The following KAZN variants were observed in gnomAD, a reference collection of about 807,000 sequenced individuals.
The protein encoded by KAZN is kazrin.
In KAZN, 40 loss-of-function variants were observed where a neutral mutation model predicts 87.4. That is an observed-to-expected ratio of 0.46 (90% CI 0.36 to 0.60). The LOEUF is 0.60. Ranked by LOEUF, KAZN falls within the 20% of genes least tolerant of loss-of-function variation. The pLI, the probability that KAZN is intolerant of heterozygous loss-of-function variation, is 0.00. For missense variants in KAZN, 898 were observed against 1,073.9 expected (o/e 0.84, Z 2.29); for synonymous variants, 466 against 458.3 (o/e 1.02, Z -0.22).
chr1:14,479,336 C>T (rs1010842829), intron 2 of KAZN, among the ~76,000 whole-genome samples: 13 of 152,190 alleles, frequency 8.5e-5, no homozygotes, highest in African/African-American at 2.9e-4. Context: ...ATCTACAAAA[C>T]GCATATGCAG....
chr1:14,179,010 G>A (rs1294077336), intron 1 of KAZN, among the ~76,000 whole-genome samples: 2 of 152,134 alleles, frequency 1.3e-5, no homozygotes, highest in Admixed American at 1.3e-4. Context: ...TGGCTGGTGA[G>A]CATGTCAACA....
chr1:14,594,629 C>T (rs1676379655), upstream of KAZN, among the ~76,000 whole-genome samples: 1 of 152,160 alleles, frequency 6.6e-6, no homozygotes, highest in African/African-American at 2.4e-5. Context: ...ATTTGGGGAA[C>T]ACGCAAAAGG....
intron 1 of KAZN, among the ~76,000 whole-genome samples, chr1:14,873,381 A>T (rs1410116808): frequency 3.3e-5 from 5 of 152,234 alleles, no homozygotes; most frequent in South Asian, 4.1e-4. Context: ...AGGAAAATAA[A>T]GTGGGGAAGA....
At chr1:14,331,043 C>G (rs958502036) in intron 2 of KAZN, among the ~76,000 whole-genome samples, 10 of 152,130 alleles carry the variant, frequency 6.6e-5, no homozygotes, top group Non-Finnish European at 5.9e-5. Flanking sequence ...ACTACAATTC[C>G]CAGACTCCCT....
chr1:15,042,003 G>A (rs1672976670), intron 3 of KAZN, among the ~76,000 whole-genome samples: 1 of 152,264 alleles, frequency 6.6e-6, no homozygotes, highest in Non-Finnish European at 1.5e-5. Flanking sequence ...AGAACGTTCT[G>A]TGACAGTTGC....
At chr1:14,824,331 G>A (rs1040238097) in intron 1 of KAZN, among the ~76,000 whole-genome samples, 1 of 152,104 alleles carries the variant, frequency 6.6e-6, no homozygotes, top group Non-Finnish European at 1.5e-5. Context: ...GAGACCCTTG[G>A]GTTAGAACTT....
intron 1 of KAZN, among the ~76,000 whole-genome samples, chr1:14,691,841 C>T (rs1232405850): frequency 1.3e-5 from 2 of 152,002 alleles, no homozygotes; most frequent in Non-Finnish European, 2.9e-5. Flanking sequence ...GAGAGCTCAC[C>T]TGCTCTCCAT....
chr1:14,089,982 G>A (rs1328910127), intron 1 of KAZN, among the ~76,000 whole-genome samples: 2 of 150,436 alleles, frequency 1.3e-5, no homozygotes, highest in Non-Finnish European at 3.0e-5. Context: ...TGTTGATAAT[G>A]TTTTCTTTGG....
At chr1:14,843,321 G>C (rs1344329560) in intron 1 of KAZN, among the ~76,000 whole-genome samples, 4 of 152,176 alleles carry the variant, frequency 2.6e-5, no homozygotes, top group Non-Finnish European at 5.9e-5. Flanking sequence ...CTGGATGGGT[G>C]GTAGGAGAAG....
intron 2 of KAZN, among the ~76,000 whole-genome samples, chr1:14,418,042 A>AAAAAAAAAAC (rs1557705940): frequency 7.3e-6 from 1 of 137,134 alleles, no homozygotes; most frequent in Non-Finnish European, 1.6e-5. Context: ...AAAAAAAAAA[A>AAAAAAAAAAC]AACCTACATC....
intron 2 of KAZN, among the ~76,000 whole-genome samples, chr1:14,534,436 G>A (rs930894605): frequency 6.6e-6 from 1 of 152,134 alleles, no homozygotes; most frequent in African/African-American, 2.4e-5. Context: ...CCTGAGGTCA[G>A]GAGTTCAAGA....
intron 1 of KAZN, among the ~76,000 whole-genome samples, chr1:14,768,794 C>A (rs539497103): frequency 3.0e-4 from 46 of 152,310 alleles, no homozygotes; most frequent in African/African-American, 1.1e-3. Flanking sequence ...CTTGCCTCAT[C>A]CAAAGTAATC....
chr1:14,444,602 C>T (rs1371333526), intron 2 of KAZN, among the ~76,000 whole-genome samples: 2 of 152,018 alleles, frequency 1.3e-5, no homozygotes, highest in African/African-American at 2.4e-5. Context: ...CGTGAGCCAC[C>T]GCGTCCGGCC....
At chr1:14,935,831 A>G (rs1572868577) in intron 1 of KAZN, among the ~76,000 whole-genome samples, 1 of 152,130 alleles carries the variant, frequency 6.6e-6, no homozygotes, top group Admixed American at 6.5e-5. Flanking sequence ...TCCTGGCCTT[A>G]CCCATGGGAC....
chr1:14,837,610 T>C (rs114665584), intron 1 of KAZN, among the ~76,000 whole-genome samples: 4,650 of 148,108 alleles, frequency 0.031, 92 homozygotes, highest in Middle Eastern at 0.052. Flanking sequence ...TGGAGTGCAA[T>C]AGCGCAATCA....
intron 2 of KAZN, among the ~76,000 whole-genome samples, chr1:14,278,713 A>T (rs1652596936): frequency 6.6e-6 from 1 of 152,092 alleles, no homozygotes; most frequent in African/African-American, 2.4e-5. Flanking sequence ...CATTCAGTTG[A>T]TCTGTTTCCT....
chr1:14,929,483 CAA>C (rs1201615262), intron 1 of KAZN, among the ~76,000 whole-genome samples: 2 of 152,164 alleles, frequency 1.3e-5, no homozygotes, highest in Non-Finnish European at 2.9e-5. Context: ...TAAATCATCT[CAA>C]GAGGAAAATA....
chr1:14,022,037 T>G (rs1283931062), intron 1 of KAZN, among the ~76,000 whole-genome samples: 1 of 146,866 alleles, frequency 6.8e-6, no homozygotes. Flanking sequence ...TAAGCACTGA[T>G]GTCAGCCGGA....
intron 1 of KAZN, among the ~76,000 whole-genome samples, chr1:14,682,636 G>A (rs1004836944): frequency 4.0e-5 from 6 of 151,884 alleles, no homozygotes; most frequent in African/African-American, 1.4e-4. Context: ...TGTATATAGA[G>A]ACCACATTTT....
Sources: gnomAD v4.1 joint callset for allele counts (sites outside exome capture counted in the v4.1 genomes callset) on GRCh38, gnomAD v4.1.1 for gene constraint, MANE v1.5 for transcripts, NCBI Gene and HGNC (gene_info 2026-07-23, HGNC 2026-07-21) for gene names.